MYO6: variants seen among roughly 807,000 people sequenced by gnomAD.
MYO6 encodes the protein myosin VI, also known as unconventional myosin-VI.
MYO6 carries 74 observed loss-of-function variants against 178.7 expected under a neutral mutation model. The ratio of observed to expected loss-of-function variants is 0.41; its 90% confidence interval spans 0.34 to 0.50. The LOEUF is 0.50. MYO6 is among the 20% of genes least tolerant of loss of function. The probability of loss-of-function intolerance (pLI) is 0.09; values close to 1 mark genes in which losing one functional copy is unlikely to be tolerated. For missense variants in MYO6, 1,330 were observed against 1,547.4 expected, an observed-to-expected ratio of 0.86 and a Z score of 2.36; for synonymous variants, 477 against 504.6, an observed-to-expected ratio of 0.95 and a Z score of 0.73.
chr6:75,761,860 G>A (rs1777981009), intron 1 of MYO6, among the ~76,000 whole-genome samples: 1 of 152,036 alleles, frequency 6.6e-6, no homozygotes, highest in Admixed American at 6.6e-5. Context: ...ATGGGTTCGG[G>A]GTGGCAGTAT....
At chr6:75,865,706 A>G (rs910911457) in intron 16 of MYO6, among the ~76,000 whole-genome samples, 3 of 146,734 alleles carry the variant, frequency 2.0e-5, no homozygotes, top group Non-Finnish European at 4.6e-5. Flanking sequence ...CAAGGGTCAG[A>G]TGTGATCTTG....
chr6:75,805,889 T>C (rs999872068), intron 1 of MYO6, among the ~76,000 whole-genome samples: 2 of 152,324 alleles, frequency 1.3e-5, no homozygotes, highest in East Asian at 3.9e-4. Flanking sequence ...ATTGAGACTG[T>C]CTTAAAAATT....
chr6:75,894,267 G>A (rs1779123999), intron 28 of MYO6, among the ~76,000 whole-genome samples: 2 of 152,110 alleles, frequency 1.3e-5, no homozygotes, highest in African/African-American at 2.4e-5. Context: ...AGAGTGGATC[G>A]TTTAGGACCT....
intron 1 of MYO6, among the ~76,000 whole-genome samples, chr6:75,781,899 C>T (rs923614903): frequency 1.7e-5 from 2 of 116,898 alleles, no homozygotes; most frequent in East Asian, 2.6e-4. Context: ...GCCTGAGCGA[C>T]TGAGCAAGAC....
chr6:75,912,989 A>G (rs1780875275), intron 33 of MYO6, among the ~76,000 whole-genome samples: 1 of 152,120 alleles, frequency 6.6e-6, no homozygotes, highest in South Asian at 2.1e-4. Flanking sequence ...GAGTAAGAGT[A>G]TTTTCATCCT....
intron 29 of MYO6, among the ~76,000 whole-genome samples, 177 bp from the exon 30 acceptor site, chr6:75,898,196 T>C (rs1338511737): frequency 3.3e-5 from 5 of 152,208 alleles, no homozygotes; most frequent in African/African-American, 1.2e-4. Flanking sequence ...AATTTTTCTG[T>C]GTGTTACGGC....
chr6:75,817,426 T>A (rs1301934094), intron 1 of MYO6, 75 bp from the exon 2 acceptor site: 5 of 852,346 alleles, frequency 5.9e-6, no homozygotes, highest in Non-Finnish European at 1.0e-5. Flanking sequence ...TGTGAACTTT[T>A]GAAAAAGATA....
At chr6:75,860,099 G>T (rs936423473) in intron 14 of MYO6, among the ~76,000 whole-genome samples, 1 of 152,182 alleles carries the variant, frequency 6.6e-6, no homozygotes, top group African/African-American at 2.4e-5. Flanking sequence ...TACTTTCCTT[G>T]TCATGCCACC....
chr6:75,881,849 T>G (rs1430163137), intron 23 of MYO6, 31 bp downstream of exon 23: 1 of 1,610,910 alleles, frequency 6.2e-7, no homozygotes, highest in African/African-American at 1.3e-5. Flanking sequence ...CTATAGGATC[T>G]TTCATTGTTT....
intron 14 of MYO6, among the ~76,000 whole-genome samples, 199 bp downstream of exon 14, chr6:75,859,192 A>G (rs1406485356): frequency 1.3e-5 from 2 of 152,062 alleles, no homozygotes; most frequent in Non-Finnish European, 2.9e-5. Flanking sequence ...AAGTTTAGGG[A>G]CCCGATAAAA....
chr6:75,899,172 T>C (rs996093179), intron 30 of MYO6, among the ~76,000 whole-genome samples: 2 of 152,186 alleles, frequency 1.3e-5, no homozygotes, highest in Admixed American at 1.3e-4. Context: ...AGATGTACTT[T>C]TGTTTGAGGT....
intron 32 of MYO6, among the ~76,000 whole-genome samples, chr6:75,908,953 T>G (rs1780557833): frequency 6.6e-6 from 1 of 152,196 alleles, no homozygotes; most frequent in South Asian, 2.1e-4. Context: ...ATGTCAGGAT[T>G]GCCATGCATC....
chr6:75,879,682 C>A, intron 20 of MYO6, 138 bp from the exon 21 acceptor site: 1 of 1,154,480 alleles, frequency 8.7e-7, no homozygotes, highest in Non-Finnish European at 1.3e-6. Flanking sequence ...TAAATATTTT[C>A]CTATATAATA....
At chr6:75,799,911 C>T (rs539502054) in intron 1 of MYO6, among the ~76,000 whole-genome samples, 13 of 152,194 alleles carry the variant, frequency 8.5e-5, no homozygotes, top group Middle Eastern at 3.4e-3. Flanking sequence ...TAGTTATTCC[C>T]CTTCCCCCAA....
chr6:75,843,762 A>C (rs1412857625), intron 9 of MYO6, among the ~76,000 whole-genome samples: 2 of 148,040 alleles, frequency 1.4e-5, no homozygotes, highest in African/African-American at 4.9e-5. Flanking sequence ...CTAGGGTGGA[A>C]GAAAAAAAAA....
At chr6:75,750,340 C>T (rs1367019408) in intron 1 of MYO6, among the ~76,000 whole-genome samples, 1 of 152,008 alleles carries the variant, frequency 6.6e-6, no homozygotes, top group Non-Finnish European at 1.5e-5. Flanking sequence ...CTTGATCCAT[C>T]CGCCTCGGTC....
At position 75,783,104 on chromosome 6, in the gene MYO6, A is replaced by G. The variant is rs768210002; in HGVS notation, c.-48+33681A>G. Among the ~76,000 whole-genome samples the G allele has an allele frequency of 4.6e-5, 7 of 151,338 alleles. No homozygotes were observed. The South Asian group carries it at 8.4e-4, about 18-fold the overall frequency. Reference sequence around the variant, plus strand: ...TAATTTTTAATTTTTTTTTGTAGAGATGGGGTCTTGCTATGTTGCCCAAGC... The same window carrying G: ...TAATTTTTAATTTTTTTTTGTAGAGGTGGGGTCTTGCTATGTTGCCCAAGC... On this transcript the variant is annotated intron_variant, in intron 1 of 34. Transcript: ENST00000369977.
In MYO6 at chr6:75,835,678, C is replaced by T. The variant is rs537768810; in HGVS notation, c.498-223C>T. 4.7e-4 allele frequency among the ~76,000 whole-genome samples: 71 copies of T among 152,218 alleles called. 1 individual carries two copies. Among genetic ancestry groups the T allele is most frequent in the Admixed American group, 4.2e-3 (64 of 15,286 alleles). ...AACTCCTGACCTCAGGTAATCCACC[C>T]TCCTTGGCCTCCCAAAATGCTGGGA... On this transcript the variant is annotated intron_variant, in intron 6 of 34. Coordinates refer to ENST00000369977, the MANE Select transcript of MYO6 (RefSeq NM_004999.4).
chr6:75,838,544 A>G (rs1202882567), intron 7 of MYO6, among the ~76,000 whole-genome samples: 5 of 152,132 alleles, frequency 3.3e-5, no homozygotes, highest in Admixed American at 6.5e-5. Flanking sequence ...TTCTTCAGCA[A>G]AAACTAGTAG....
Sources: allele counts gnomAD v4.1 joint callset (sites outside exome capture counted in the v4.1 genomes callset), GRCh38; gene constraint gnomAD v4.1.1; transcripts MANE v1.5; gene names NCBI Gene and HGNC (gene_info 2026-07-23, HGNC 2026-07-21).